The following GRID2 variants were observed in gnomAD, a reference collection of about 807,000 sequenced individuals.
GRID2 encodes the protein glutamate receptor ionotropic, delta-2.
A neutral mutation model predicts 114.8 loss-of-function variants in GRID2; 33 were observed. The ratio of observed to expected loss-of-function variants is 0.29; its 90% CI spans 0.22 to 0.38. The LOEUF (loss-of-function observed/expected upper bound fraction) is 0.38, where lower values mean the gene tolerates loss of function less well. GRID2 is among the 10% of genes least tolerant of loss of function. The pLI, the probability that GRID2 is intolerant of heterozygous loss-of-function variation, is 1.00. For missense variants in GRID2, 1,184 were observed against 1,257.7 expected, an observed-to-expected ratio of 0.94 and a Z score of 0.89; for synonymous variants, 505 against 449.9, an observed-to-expected ratio of 1.12 and a Z score of -1.55.
chr4:93,171,724 G>C (rs965155124), intron 4 of GRID2, among the ~76,000 whole-genome samples: 2 of 152,058 alleles, frequency 1.3e-5, no homozygotes, highest in South Asian at 2.1e-4. Flanking sequence ...CTCTCATATA[G>C]GCATATATTG....
At chr4:92,958,110 T>G (rs76027071) in intron 2 of GRID2, among the ~76,000 whole-genome samples, 1 of 152,088 alleles carries the variant, frequency 6.6e-6, no homozygotes, top group Non-Finnish European at 1.5e-5. Context: ...AAAGACACTT[T>G]TAATTCTTCT....
chr4:92,636,632 C>T (rs927751575), intron 2 of GRID2, among the ~76,000 whole-genome samples: 8 of 151,882 alleles, frequency 5.3e-5, no homozygotes, highest in Admixed American at 1.3e-4. Context: ...GTTTCCATTT[C>T]GTCAGACTTC....
chr4:93,390,797 G>A (rs1764779253), intron 8 of GRID2, among the ~76,000 whole-genome samples: 2 of 151,706 alleles, frequency 1.3e-5, no homozygotes, highest in South Asian at 4.1e-4. Context: ...ACATATATAT[G>A]TATATATTTA....
Position 92,818,636 on chromosome 4 carries a change from C to G in GRID2, c.244+228350C>G, listed in dbSNP as rs746716257. The stretch of plus-strand genomic sequence containing the variant: ...CAAATATATGAGGAAGTCAGAAGAA[C>G]CTTTCTTATATTAACTTGATGAGTC... On this transcript the variant is annotated intron_variant, in intron 2 of 15. Transcript: ENST00000282020. Among the ~76,000 whole-genome samples, 24 of 152,188 alleles carry G rather than the reference C, an allele frequency of 1.6e-4. No homozygotes were observed. In the East Asian group the frequency reaches 1.9e-3, roughly 12 times the overall value.
At chr4:93,034,320 G>C (rs1724713576) in intron 2 of GRID2, among the ~76,000 whole-genome samples, 1 of 152,140 alleles carries the variant, frequency 6.6e-6, no homozygotes, top group Non-Finnish European at 1.5e-5. Context: ...GTCATCTGTT[G>C]TTACAGAGTT....
intron 2 of GRID2, among the ~76,000 whole-genome samples, chr4:93,054,154 A>AT (rs1726993495): frequency 6.6e-6 from 1 of 152,014 alleles, no homozygotes; most frequent in African/African-American, 2.4e-5. Context: ...AAACTAAACC[A>AT]TTTTTTCAAA....
At chr4:92,775,288 G>GT (rs1235737273) in intron 2 of GRID2, among the ~76,000 whole-genome samples, 4 of 152,144 alleles carry the variant, frequency 2.6e-5, no homozygotes, top group Non-Finnish European at 5.9e-5. Context: ...TTCGCTCACT[G>GT]TTTTGCAAGA....
intron 2 of GRID2, among the ~76,000 whole-genome samples, chr4:93,083,753 A>T (rs1419417875): frequency 2.0e-5 from 3 of 151,872 alleles, no homozygotes; most frequent in African/African-American, 7.2e-5. Context: ...ATTGGAAATC[A>T]GTATAATCTC....
intron 2 of GRID2, among the ~76,000 whole-genome samples, chr4:92,846,649 G>A (rs1429061370): frequency 1.3e-5 from 2 of 151,980 alleles, no homozygotes; most frequent in Non-Finnish European, 2.9e-5. Flanking sequence ...TAATCCACCT[G>A]CATTCCCACT....
At chr4:92,971,178 A>C (rs1753490573) in intron 2 of GRID2, among the ~76,000 whole-genome samples, 2 of 152,042 alleles carry the variant, frequency 1.3e-5, no homozygotes, top group Non-Finnish European at 1.5e-5. Context: ...TGATAGGATA[A>C]GCTTTAGAAA....
At chr4:92,789,548 G>A (rs1474401577) in intron 2 of GRID2, among the ~76,000 whole-genome samples, 4 of 151,104 alleles carry the variant, frequency 2.6e-5, no homozygotes, top group Non-Finnish European at 4.4e-5. Context: ...CTCCTCTTTC[G>A]GATCTATTGT....
intron 3 of GRID2, among the ~76,000 whole-genome samples, chr4:93,086,265 ACT>A (rs1578947901): frequency 6.6e-6 from 1 of 152,124 alleles, no homozygotes; most frequent in South Asian, 2.1e-4. Context: ...AGAGGATTTC[ACT>A]CTCTGTAGCA....
In GRID2 at chr4:93,252,204, C is replaced by T. The variant is rs370240012; in HGVS notation, c.1245+13714C>T. Among the ~76,000 whole-genome samples, 56 of 152,050 alleles carry T rather than the reference C, an allele frequency of 3.7e-4. No individual in the cohort carries two copies. The East Asian group carries it at 9.9e-3, about 27-fold the overall frequency. ...AGGGTTTTTAGAGTTTGGGGTTTTA[C>T]ATTTAATTATTGAATCCATCTTGGG... On this transcript the variant is annotated intron_variant, in intron 8 of 15. Transcript: ENST00000282020.
intron 1 of GRID2, among the ~76,000 whole-genome samples, chr4:92,555,059 T>G (rs551012794): frequency 3.9e-5 from 6 of 152,098 alleles, no homozygotes; most frequent in Admixed American, 6.6e-5. Context: ...GAAGGATGAT[T>G]TTCAGGGTGG....
chr4:92,531,503 A>G (rs913397667), intron 1 of GRID2, among the ~76,000 whole-genome samples: 1 of 152,158 alleles, frequency 6.6e-6, no homozygotes, highest in African/African-American at 2.4e-5. Context: ...GATCAGAGAG[A>G]TGGGAAGAAA....
At chr4:93,174,430 T>C (rs1042113258) in intron 4 of GRID2, among the ~76,000 whole-genome samples, 1 of 152,180 alleles carries the variant, frequency 6.6e-6, no homozygotes, top group African/African-American at 2.4e-5. Context: ...TTCATCTAAG[T>C]TGTTTCATGG....
chr4:93,492,202 A>C (rs1727075897), intron 12 of GRID2, among the ~76,000 whole-genome samples: 1 of 151,960 alleles, frequency 6.6e-6, no homozygotes, highest in African/African-American at 2.4e-5. Context: ...TAAAATTATG[A>C]AAATAATAAT....
intron 8 of GRID2, among the ~76,000 whole-genome samples, chr4:93,335,704 T>G (rs1579722762): frequency 6.6e-6 from 1 of 151,680 alleles, no homozygotes; most frequent in East Asian, 1.9e-4. Flanking sequence ...CTTTTTTTTT[T>G]TTGAGACAGG....
chr4:93,721,379 T>C (rs1473737551), intron 14 of GRID2, among the ~76,000 whole-genome samples: 1 of 152,234 alleles, frequency 6.6e-6, no homozygotes, highest in Non-Finnish European at 1.5e-5. Context: ...TTAGAATTTG[T>C]TCACCAGGCT....
Sources: allele counts gnomAD v4.1 joint callset (sites outside exome capture counted in the v4.1 genomes callset), GRCh38; gene constraint gnomAD v4.1.1; transcripts MANE v1.5; gene names NCBI Gene and HGNC (gene_info 2026-07-23, HGNC 2026-07-21).